The following SUGP2 variants were observed in gnomAD, a reference collection of about 807,000 sequenced individuals.
SUGP2 encodes the protein SURP and G-patch domain-containing protein 2.
Under a neutral mutation model 90.5 loss-of-function variants are expected in SUGP2, and 24 were observed. That is an observed-to-expected ratio of 0.27 (90% CI 0.19 to 0.37). The LOEUF (loss-of-function observed/expected upper bound fraction) is 0.37, where lower values mean the gene tolerates loss of function less well. Among genes scored for constraint, SUGP2 ranks in the 10% least tolerant of loss-of-function variants. The pLI, the probability that SUGP2 is intolerant of heterozygous loss-of-function variation, is 1.00. For synonymous variants in SUGP2, 473 were observed against 513.4 expected (o/e 0.92, Z 1.06); for missense variants, 1,233 against 1,363.3 (o/e 0.90, Z 1.51).
intron 4 of SUGP2, among the ~76,000 whole-genome samples, chr19:19,013,278 A>C (rs2058371425): frequency 6.6e-6 from 1 of 152,174 alleles, no homozygotes; most frequent in Non-Finnish European, 1.5e-5. Flanking sequence ...TTTTATCAGG[A>C]ACTTCTTTTG....
At chr19:19,012,166 G>C (rs550155688) in intron 4 of SUGP2, among the ~76,000 whole-genome samples, 1 of 152,350 alleles carries the variant, frequency 6.6e-6, no homozygotes, top group South Asian at 2.1e-4. Context: ...CAAAACGACT[G>C]AGTACCGGCT....
At chr19:19,005,352 C>T (rs2058023522) in intron 6 of SUGP2, among the ~76,000 whole-genome samples, 1 of 152,170 alleles carries the variant, frequency 6.6e-6, no homozygotes, top group Admixed American at 6.5e-5. Context: ...CAAGTCCCCC[C>T]AGTTAGCATA....
chr19:19,030,675 C>T (rs181750604), intron 2 of SUGP2, among the ~76,000 whole-genome samples: 2 of 152,246 alleles, frequency 1.3e-5, no homozygotes, highest in East Asian at 3.9e-4. Context: ...AATCCCAGCA[C>T]TCTGGGAGGC....
At chr19:19,014,709 G>C (rs1269518723) in intron 4 of SUGP2, among the ~76,000 whole-genome samples, 1 of 151,982 alleles carries the variant, frequency 6.6e-6, no homozygotes, top group Non-Finnish European at 1.5e-5. Flanking sequence ...GCTGAGGCAG[G>C]GGGATTTTGT....
In SUGP2 at chr19:19,025,631, C is replaced by A. The variant is rs1206171371; in HGVS notation, c.717G>T (p.Gly239=). 6.2e-7 allele frequency: 1 copy of A among 1,613,910 alleles called. No homozygotes were observed. The highest frequency in any genetic ancestry group is 8.5e-7 in the Non-Finnish European group (1 of 1,180,030). The change falls in exon 3 of 11, where the codon GGG becomes GGT. Residue 239 remains glycine (G), a synonymous_variant. Transcript: ENST00000452918. ...GETQGLLTAK[G]GVGKLVTLRN... is the part of the protein sequence containing the mutation. ...TCAATGTGACAAGTTTCCCAACACC[C>A]CCCTTAGCTGTGAGCAGGCCCTGAG...
chr19:19,025,320 T>C lies in SUGP2; in HGVS notation c.1028A>G (p.Asp343Gly), dbSNP rs774151458. 2.5e-6 allele frequency: 4 copies of C among 1,613,442 alleles called. No individual in the cohort carries two copies. The highest frequency in any genetic ancestry group is 3.4e-6 in the Non-Finnish European group (4 of 1,179,844). ...GAAAAGTTGGGAAAATTTAATATCA[T>C]CTTTTATGGTGTGGAATCCTGCCCA... is the stretch of plus-strand genomic sequence containing the variant. ...IKWAGFHTIK[D>G]DIKFSQLFQT... The change falls in exon 3 of 11, where the codon GAT becomes GGT. Residue 343 changes from aspartate (D) to glycine (G), a missense_variant. Asp to Gly is a moderately conservative substitution (Grantham distance 94, BLOSUM62 -1). Transcript: ENST00000452918.
intron 6 of SUGP2, 29 bp from the exon 7 acceptor site, chr19:19,004,675 A>G: frequency 6.6e-7 from 1 of 1,512,346 alleles, no homozygotes; most frequent in Non-Finnish European, 9.0e-7. Flanking sequence ...ACATTGGGTA[A>G]CCAGATGGAA....
chr19:18,995,392 C>G, intron 8 of SUGP2, 112 bp from the exon 9 acceptor site: 1 of 1,242,758 alleles, frequency 8.0e-7, no homozygotes, highest in East Asian at 2.6e-5. Context: ...CCTGACTCCC[C>G]AGATGCTCAG....
At chr19:18,994,329 A>G (rs2057484924) in intron 10 of SUGP2, 37 bp downstream of exon 10, 2 of 1,600,096 alleles carry the variant, frequency 1.2e-6, no homozygotes, top group African/African-American at 2.7e-5. Context: ...CACGCCAGCG[A>G]GGGCAGACGG....
chr19:19,030,130 T>G (rs1422246196), intron 2 of SUGP2, among the ~76,000 whole-genome samples: 1 of 149,668 alleles, frequency 6.7e-6, no homozygotes, highest in African/African-American at 2.5e-5. Context: ...CCTGAAAACA[T>G]AGCAAGACTC....
At chr19:19,024,450 C>A (rs912705324) in intron 3 of SUGP2, among the ~76,000 whole-genome samples, 169 bp downstream of exon 3, 20 of 152,348 alleles carry the variant, frequency 1.3e-4, no homozygotes, top group Admixed American at 3.3e-4. Flanking sequence ...TCCTAATACA[C>A]ATTCACAGAA....
intron 4 of SUGP2, among the ~76,000 whole-genome samples, chr19:19,011,891 T>C (rs1044200751): frequency 1.3e-5 from 2 of 152,192 alleles, no homozygotes; most frequent in Non-Finnish European, 2.9e-5. Flanking sequence ...TTGTGAATAT[T>C]TGATTTCAGT....
In SUGP2 at chr19:18,992,900, A is replaced by C. The variant is rs1417204613; in HGVS notation, c.*841T>G. ...GAGCGGGGGCGATCACATGCCTGGAAATAGAGCAGCTGCAGAGCCCACCCC... is the reference window on the plus strand; with the variant it reads ...GAGCGGGGGCGATCACATGCCTGGACATAGAGCAGCTGCAGAGCCCACCCC... On this transcript the variant is annotated 3_prime_UTR_variant, in exon 11 of 11. Transcript: ENST00000452918. 2 of 152,318 alleles carry C rather than the reference A, an allele frequency of 1.3e-5. No individual in the cohort carries two copies. The highest frequency in any genetic ancestry group is 6.5e-5 in the Admixed American group (1 of 15,274). The allele number at this position is 152,318 out of a possible 1,614,324, so 9.4% of individuals were successfully genotyped here.
intron 7 of SUGP2, 35 bp downstream of exon 7, chr19:19,004,133 G>A (rs751862921): frequency 4.6e-5 from 69 of 1,485,336 alleles, no homozygotes; most frequent in Non-Finnish European, 6.2e-5. Context: ...CAAGAACTGT[G>A]CTAGAGGCAA....
intron 3 of SUGP2, among the ~76,000 whole-genome samples, chr19:19,022,220 A>G (rs908285518): frequency 6.6e-6 from 1 of 152,050 alleles, no homozygotes; most frequent in Non-Finnish European, 1.5e-5. Context: ...TCCTGACCTC[A>G]TGATCCACCC....
intron 3 of SUGP2, among the ~76,000 whole-genome samples, chr19:19,021,446 A>G (rs929470099): frequency 4.6e-5 from 7 of 151,910 alleles, no homozygotes; most frequent in Non-Finnish European, 1.0e-4. Context: ...CTAGTTTTAC[A>G]TGATTTTACA....
intron 2 of SUGP2, among the ~76,000 whole-genome samples, chr19:19,026,826 A>C (rs1321308103): frequency 3.3e-5 from 5 of 152,072 alleles, no homozygotes; most frequent in African/African-American, 7.2e-5. Context: ...GGCTGAACCC[A>C]TCCCTCGGAA....
At chr19:19,033,216 G>T in intron 1 of SUGP2, 1 of 302,032 alleles carries the variant, frequency 3.3e-6, no homozygotes, top group Non-Finnish European at 5.2e-6. Context: ...TGTGGACGCG[G>T]CCCGCCGTCT....
At chr19:19,019,317 G>T in intron 3 of SUGP2, 88 bp from the exon 4 acceptor site, 1 of 1,443,678 alleles carries the variant, frequency 6.9e-7, no homozygotes, top group Non-Finnish European at 9.3e-7. Context: ...GGGGCTTAGT[G>T]CTGAACCCAA....
Sources: allele counts gnomAD v4.1 joint callset (sites outside exome capture counted in the v4.1 genomes callset), GRCh38; gene constraint gnomAD v4.1.1; transcripts MANE v1.5; gene names NCBI Gene and HGNC (gene_info 2026-07-23, HGNC 2026-07-21).